Variants in RNF213 observed in about 807,000 individuals in gnomAD.
RNF213 encodes ring finger protein 213.
In RNF213, 341 loss-of-function variants were observed where a neutral mutation model predicts 514.4. The ratio of observed to expected loss-of-function variants is 0.66; its 90% CI spans 0.61 to 0.73. RNF213 has a LOEUF of 0.73. Ranked by LOEUF, RNF213 falls within the 30% of genes least tolerant of loss-of-function variation. The pLI is 0.00. For synonymous variants in RNF213, 2,655 were observed against 2,658.2 expected (o/e 1.00, Z 0.04); for missense variants, 5,767 against 6,615.6 (o/e 0.87, Z 4.45).
Position 80,263,769 on chromosome 17 carries a change from C to A in RNF213, c.88C>A (p.Pro30Thr). 6.2e-7 allele frequency: 1 copy of A among 1,613,704 alleles called. No individual in the cohort carries two copies. The highest frequency in any genetic ancestry group is 8.5e-7 in the Non-Finnish European group (1 of 1,179,724). ...CGGAGAGAGGCTGCCTCCTGCAGCC[C>A]CCATAGCAGGTGAGGCCCAGGGGTG... ...QCGERLPPAA[P>T]IADSENNNST... Residue 30 changes from proline to threonine, a missense_variant, in exon 2 of 68, where the codon CCC (proline) becomes ACC (threonine). By Grantham distance (38) the Pro-to-Thr change is conservative. Around this residue, in one of 13 missense-constraint regions of RNF213, gnomAD observed 509 missense variants for 496.7 expected, o/e 1.02. Transcript: ENST00000582970. The surrounding 1 kb of genome is among the most constrained non-coding windows in gnomAD (Gnocchi z 4.9).
chr17:80,333,133 T>C (rs754950720), intron 21 of RNF213, among the ~76,000 whole-genome samples: 4 of 151,400 alleles, frequency 2.6e-5, no homozygotes, highest in African/African-American at 9.7e-5. Flanking sequence ...ACTGCAAGCT[T>C]CGCCTCCCAG....
chr17:80,349,012 G>A (rs894231011), intron 29 of RNF213, among the ~76,000 whole-genome samples: 7 of 152,172 alleles, frequency 4.6e-5, no homozygotes, highest in Admixed American at 1.3e-4. Context: ...TAGGGAGGCC[G>A]CTGGAACCGT....
chr17:80,372,016 T>G (rs1489421397), intron 47 of RNF213, 31 bp downstream of exon 47: 3 of 1,152,540 alleles, frequency 2.6e-6, no homozygotes, highest in Non-Finnish European at 4.0e-6. Context: ...CTGAATTTCT[T>G]TTGGAAACTA....
Position 80,376,327 on chromosome 17 carries a change from T to C in RNF213, c.13212T>C (p.Ile4404=). The part of the protein sequence containing the change: ...PEQCEAVSKF[I]GECKILSPPD... ...AATGTGAAGCTGTGAGCAAATTCAT[T>C]GGCGAATGCAAGATCCTTTCACCTC... Residue 4404 remains isoleucine, a synonymous_variant, in exon 52 of 68, where the codon ATT becomes ATC. Transcript: ENST00000582970. 1 of 1,614,254 alleles carries C rather than the reference T, an allele frequency of 6.2e-7. No individual in the cohort carries two copies.
chr17:80,319,370 A>AC, intron 17 of RNF213, 58 bp downstream of exon 17: 1 of 1,614,164 alleles, frequency 6.2e-7, no homozygotes, highest in Non-Finnish European at 8.5e-7. Flanking sequence ...TTCTGCCATG[A>AC]CCCAGCTAAG....
In RNF213 at chr17:80,263,604, A is replaced by G; in HGVS notation, c.-78A>G. 9.0e-7 allele frequency: 1 copy of G among 1,114,570 alleles called. No individual in the cohort carries two copies. Among genetic ancestry groups the G allele is most frequent in the Non-Finnish European group, 1.4e-6 (1 of 724,262 alleles). 69.0% of individuals were successfully genotyped at this position (1,114,570 alleles called of 1,614,324 possible). ...GAAACTGAAGCCGTGGTCACGTGAC[A>G]GGACATGTAGTATATAGCAGGCTGC... On this transcript the variant is annotated 5_prime_UTR_variant, in exon 2 of 68. Transcript: ENST00000582970. This position sits in a 1 kb window ranked among gnomAD's most constrained non-coding sequence, Gnocchi z 4.9.
chr17:80,280,111 G>GC (rs79437938), intron 3 of RNF213, among the ~76,000 whole-genome samples: 11,917 of 152,262 alleles, frequency 0.078, 1,039 homozygotes, highest in African/African-American at 0.21. Context: ...CTGGGGCTTG[G>GC]CCGTGAGCCC....
Position 80,363,262 on chromosome 17 carries a change from T to A in RNF213, c.11516T>A (p.Leu3839His). The A allele has an allele frequency of 5.6e-6, 9 of 1,614,068 alleles. No individual in the cohort carries two copies. Among genetic ancestry groups the A allele is most frequent in the Non-Finnish European group, 7.6e-6 (9 of 1,180,018 alleles). ...ATCCTGACCATCTACCCTCAGGTTCTCCACAGCCTGATGGAAGCCCGTTGG... is the reference window on the plus strand; with the variant it reads ...ATCCTGACCATCTACCCTCAGGTTCACCACAGCCTGATGGAAGCCCGTTGG... ...SRILTIYPQV[L>H]HSLMEARWNH... Residue 3839 changes from leucine (L) to histidine (H), a missense_variant, in exon 40 of 68, where the codon CTC (leucine) becomes CAC (histidine). Physicochemically the swap from Leu to His is moderately conservative, Grantham distance 99 (BLOSUM62 -3). This residue lies in a region of RNF213 where 355 missense variants were observed against 358.0 expected (regional missense o/e 0.99). Transcript: ENST00000582970.
chr17:80,287,734 CG>C (rs2044524146), intron 3 of RNF213, 80 bp from the exon 4 acceptor site: 1 of 1,425,448 alleles, frequency 7.0e-7, no homozygotes, highest in African/African-American at 1.4e-5. Flanking sequence ...AGTTGAGGAA[CG>C]GAAGAGAAAG....
At chr17:80,357,630 A>G (rs1167521619) in intron 36 of RNF213, among the ~76,000 whole-genome samples, 1 of 152,222 alleles carries the variant, frequency 6.6e-6, no homozygotes, top group Admixed American at 6.5e-5. Context: ...GAGAACCTCG[A>G]TGACTTGTTC....
At chr17:80,340,594 G>T in intron 26 of RNF213, 1 of 463,182 alleles carries the variant, frequency 2.2e-6, no homozygotes, top group Non-Finnish European at 3.8e-6. Flanking sequence ...AAACATCTCT[G>T]CAGTGTACTT....
At chr17:80,356,417 C>T (rs1350905085) in intron 36 of RNF213, among the ~76,000 whole-genome samples, 3 of 152,248 alleles carry the variant, frequency 2.0e-5, no homozygotes, top group Non-Finnish European at 2.9e-5. Flanking sequence ...CTGGCTCCGT[C>T]GTGTTCTGTG....
intron 17 of RNF213, chr17:80,320,537 T>C (rs1367989223): frequency 6.6e-6 from 1 of 152,168 alleles, no homozygotes; most frequent in East Asian, 1.9e-4. Context: ...TAAAGAACAA[T>C]GTGCCGCCAC....
chr17:80,389,624 G>C (rs924735651), intron 65 of RNF213, among the ~76,000 whole-genome samples: 2 of 152,188 alleles, frequency 1.3e-5, no homozygotes, highest in African/African-American at 4.8e-5. Context: ...TGCAAACAGC[G>C]TGATGTGAGC....
At chr17:80,367,057 T>C (rs2079303834) in intron 42 of RNF213, among the ~76,000 whole-genome samples, 1 of 152,220 alleles carries the variant, frequency 6.6e-6, no homozygotes, top group Non-Finnish European at 1.5e-5. Context: ...TAAATGCCCA[T>C]TAACCAGCAG....
intron 52 of RNF213, 28 bp from the exon 53 acceptor site, chr17:80,376,854 G>C (rs2079780122): frequency 6.2e-7 from 1 of 1,600,960 alleles, no homozygotes; most frequent in Non-Finnish European, 8.6e-7. Context: ...CACTTATCTA[G>C]AGCTGTCTCT....
At position 80,396,726 on chromosome 17, in the gene RNF213, T is replaced by TTC; in HGVS notation, c.*3228_*3229insTC. On this transcript the variant is annotated 3_prime_UTR_variant, in exon 68 of 68. Coordinates refer to ENST00000582970, the MANE Select transcript of RNF213 (RefSeq NM_001256071.3). ...AAAACAAGCGCCAGGAAAGTGCATT[T>TTC]CCCCCCCACCCCCCCCCCCCAACCA... The TTC allele has an allele frequency of 1.5e-5, 1 of 67,944 alleles. No homozygotes were observed. Among genetic ancestry groups the TTC allele is most frequent in the Admixed American group, 1.7e-4 (1 of 5,922 alleles). The allele number at this position is 67,944 out of a possible 1,614,324, so 4.2% of individuals were successfully genotyped here.
At chr17:80,333,963 C>G (rs993956556) in intron 21 of RNF213, 142 bp from the exon 22 acceptor site, 11 of 854,784 alleles carry the variant, frequency 1.3e-5, no homozygotes, top group Middle Eastern at 3.2e-4. Flanking sequence ...GGGGTAAGAG[C>G]TTGGTGTGCC....
At chr17:80,386,929 GTC>G in intron 63 of RNF213, 38 bp downstream of exon 63, 1 of 1,572,992 alleles carries the variant, frequency 6.4e-7, no homozygotes, top group African/African-American at 1.4e-5. Context: ...CATTTGGTGT[GTC>G]TGTTGTGAAC....
Sources: gnomAD v4.1 joint callset for allele counts (sites outside exome capture counted in the v4.1 genomes callset) on GRCh38, gnomAD v4.1.1 for gene constraint, gnomAD v4.1.1 regional missense constraint, Gnocchi (gnomAD v3.1) non-coding constraint, MANE v1.5 for transcripts, NCBI Gene and HGNC (gene_info 2026-07-23, HGNC 2026-07-21) for gene names.